The following TRMT6 variants were observed in gnomAD, a reference collection of about 807,000 sequenced individuals.
The protein encoded by TRMT6 is tRNA (adenine(58)-N(1))-methyltransferase non-catalytic subunit TRM6.
A neutral mutation model predicts 59.0 loss-of-function variants in TRMT6; 34 were observed. That is an observed-to-expected ratio of 0.58 (90% confidence interval 0.44 to 0.77). TRMT6 has a LOEUF of 0.77. Ranked by LOEUF, TRMT6 falls within the 30% of genes least tolerant of loss-of-function variation. TRMT6 has a pLI of 0.00. For missense variants in TRMT6, 575 were observed against 604.5 expected (o/e 0.95, Z 0.51); for synonymous variants, 217 against 210.5 (o/e 1.03, Z -0.27).
At chr20:5,939,466 C>T (rs1241093883) in intron 10 of TRMT6, among the ~76,000 whole-genome samples, 1 of 141,380 alleles carries the variant, frequency 7.1e-6, no homozygotes, top group Non-Finnish European at 1.5e-5. Flanking sequence ...GGCGACAGAG[C>T]GAGACTCTGT....
At chr20:5,940,758 C>T (rs1661971399) in intron 10 of TRMT6, among the ~76,000 whole-genome samples, 1 of 152,182 alleles carries the variant, frequency 6.6e-6, no homozygotes, top group Admixed American at 6.5e-5. Flanking sequence ...GCTGGGACTA[C>T]AGGCACCTGC....
In TRMT6 at chr20:5,942,634, T is replaced by C. The variant is rs760219917; in HGVS notation, c.820A>G (p.Met274Val). 7 of 1,614,188 alleles carry C rather than the reference T, an allele frequency of 4.3e-6. No individual in the cohort carries two copies. The highest frequency in any genetic ancestry group is 1.1e-5 in the South Asian group (1 of 91,078). ...SLLHGTFSAKMLSSEPKDSAL... is the reference protein window; with the variant it reads ...SLLHGTFSAKVLSSEPKDSAL... ...CTGTCTTTTGGCTCTGAAGATAACA[T>C]CTTGGCAGAAAATGTTCCATGTAGA... The change falls in exon 7 of 11, where the codon ATG becomes GTG. Residue 274 changes from methionine to valine, a missense_variant. Met to Val is a conservative substitution (Grantham distance 21). Transcript: ENST00000203001.
intron 10 of TRMT6, 43 bp downstream of exon 10, chr20:5,941,010 T>C: frequency 6.8e-7 from 1 of 1,472,148 alleles, no homozygotes; most frequent in African/African-American, 1.4e-5. Context: ...GAAAGTCAAG[T>C]CTCGGGAGGG....
At chr20:5,943,429 G>T in intron 6 of TRMT6, 130 bp downstream of exon 6, 1 of 1,217,274 alleles carries the variant, frequency 8.2e-7, no homozygotes, top group Non-Finnish European at 1.2e-6. Context: ...TAGGAGCCGT[G>T]CAGGTTCACC....
rs1223714385 is a variant in TRMT6, at chr20:5,941,322, T to C, written c.1136A>G (p.His379Arg). The change falls in exon 9 of 11, where the codon CAC becomes CGC. Residue 379 changes from histidine (H) to arginine (R), a missense_variant. Coordinates refer to ENST00000203001, the MANE Select transcript of TRMT6 (RefSeq NM_015939.5). ...CAAAGACAGCAGCAGGGGAGTGGGGTGGAAACGACTAGCTACAATTAAACT... is the reference window on the plus strand; with the variant it reads ...CAAAGACAGCAGCAGGGGAGTGGGGCGGAAACGACTAGCTACAATTAAACT... Reference protein sequence around the residue: ...ADGLIVASRFHPTPLLLSLLD... With the variant: ...ADGLIVASRFRPTPLLLSLLD... 2 of 1,613,796 alleles carry C rather than the reference T, an allele frequency of 1.2e-6. No homozygotes were observed. The highest frequency in any genetic ancestry group is 2.2e-5 in the South Asian group (2 of 91,062).
chr20:5,944,107 TATAAACATATAAG>T, intron 4 of TRMT6, 42 bp downstream of exon 4: 1 of 1,357,816 alleles, frequency 7.4e-7, no homozygotes, highest in Non-Finnish European at 1.0e-6. Flanking sequence ...ATGTATATTT[TATAAACATATAAG>T]AAGTTTAATA....
In TRMT6 at chr20:5,944,234, A is replaced by T. The variant is rs768555102; in HGVS notation, c.386T>A (p.Ile129Asn). Residue 129 changes from isoleucine to asparagine, a missense_variant, in exon 4 of 11, where the codon ATT becomes AAT. By Grantham distance (149) the Ile-to-Asn change is moderately radical. Coordinates refer to ENST00000203001, the MANE Select transcript of TRMT6 (RefSeq NM_015939.5). ...IKGEEIVQQL[I>N]ENSTTFRDKT... ...GTCTCGGAATGTTGTACTATTTTCA[A>T]TTAACTGCTGAACTATTTCCTATAA... 1.9e-6 allele frequency: 3 copies of T among 1,571,148 alleles called. No homozygotes were observed. The highest frequency in any genetic ancestry group is 2.6e-6 in the Non-Finnish European group (3 of 1,158,298).
At position 5,941,284 on chromosome 20, in the gene TRMT6, C is replaced by A; in HGVS notation, c.1174G>T (p.Ala392Ser). ...PLLLSLLDFV[A>S]PSRPFVVYCQ... Reference sequence around the variant, plus strand: ...TAGACCACAAACGGCCTTGAAGGGGCCACAAAGTCCAGCAAAGACAGCAGC... The same window carrying A: ...TAGACCACAAACGGCCTTGAAGGGGACACAAAGTCCAGCAAAGACAGCAGC... The change falls in exon 9 of 11, where the codon GCC becomes TCC. Residue 392 changes from alanine to serine, a missense_variant. Ala to Ser is a moderately conservative substitution (Grantham distance 99). Transcript: ENST00000203001. 1.2e-6 allele frequency: 2 copies of A among 1,614,140 alleles called. No homozygotes were observed. The highest frequency in any genetic ancestry group is 1.7e-5 in the Admixed American group (1 of 60,022).
At chr20:5,944,550 G>T (rs1166054273) in intron 3 of TRMT6, among the ~76,000 whole-genome samples, 2 of 152,178 alleles carry the variant, frequency 1.3e-5, no homozygotes, top group African/African-American at 4.8e-5. Flanking sequence ...TACTGAAAAT[G>T]AACAAAGTTA....
At position 5,938,696 on chromosome 20, in the gene TRMT6, G is replaced by A. The variant is rs764114982; in HGVS notation, c.1333C>T (p.Leu445=). ...VLPDRSHPKL[L]MSGGGGYLLS... is the part of the protein sequence containing the mutation. ...AGATAACCCCCACCTCCACTCATCA[G>A]CAGTTTAGGATGACTTCGATCTGGC... The change falls in exon 11 of 11, where the codon CTG becomes TTG. Residue 445 remains leucine (L), a synonymous_variant. Transcript: ENST00000203001. 1 of 1,614,090 alleles carries A rather than the reference G, an allele frequency of 6.2e-7. No individual in the cohort carries two copies. The highest frequency in any genetic ancestry group is 8.5e-7 in the Non-Finnish European group (1 of 1,180,044).
chr20:5,942,339 C>A, intron 7 of TRMT6, 89 bp downstream of exon 7: 1 of 1,202,332 alleles, frequency 8.3e-7, no homozygotes, highest in South Asian at 1.2e-5. Context: ...GGAGCTAATA[C>A]ACCAAAGCCA....
At chr20:5,941,464 T>A in intron 8 of TRMT6, 119 bp from the exon 9 acceptor site, 1 of 728,330 alleles carries the variant, frequency 1.4e-6, no homozygotes, top group Non-Finnish European at 2.3e-6. Context: ...AGAAGAGATT[T>A]AAATATAACA....
chr20:5,938,568 A>G lies in TRMT6; in HGVS notation c.1461T>C (p.Ala487=). 1 of 1,614,084 alleles carries G rather than the reference A, an allele frequency of 6.2e-7. No individual in the cohort carries two copies. The highest frequency in any genetic ancestry group is 1.1e-5 in the South Asian group (1 of 91,086). The change falls in exon 11 of 11, where the codon GCT becomes GCC. Residue 487 remains alanine (A), a synonymous_variant. Transcript: ENST00000203001. ...LESHETEEPA[A]KKRKCPESDS is the part of the protein sequence containing the mutation. ...CAGACTCTGGGCATTTTCGTTTTTT[A>G]GCTGCAGGCTCCTCAGTCTCGTGTG...
At chr20:5,943,813 GTAAAAGGACTTACAATT>G in intron 5 of TRMT6, 118 bp downstream of exon 5, 1 of 1,519,338 alleles carries the variant, frequency 6.6e-7, no homozygotes, top group African/African-American at 1.4e-5. Flanking sequence ...GGAGGTGACA[GTAAAAGGACTTACAATT>G]TATGAGGTAG....
chr20:5,946,423 CTCT>C lies in TRMT6; in HGVS notation c.236_238del (p.Lys79del), dbSNP rs200648792. On this transcript the variant is annotated inframe_deletion, in exon 2 of 11. Coordinates refer to ENST00000203001, the MANE Select transcript of TRMT6 (RefSeq NM_015939.5). Reference sequence around the variant, plus strand: ...ATGTGCACCTGCAGTAGGCTCTTCCCTCTTCTTCTTGGGCTGTAGACTTCCTCC... The same window carrying C: ...ATGTGCACCTGCAGTAGGCTCTTCCCTCTTCTTGGGCTGTAGACTTCCTCC... 7.1e-3 allele frequency: 11,529 copies of C among 1,614,154 alleles called. 296 individuals are homozygous for C. The Admixed American group carries it at 0.083, about 12-fold the overall frequency.
intron 2 of TRMT6, 52 bp downstream of exon 2, chr20:5,946,354 T>C: frequency 6.2e-7 from 1 of 1,612,000 alleles, no homozygotes. Context: ...GGCTGAGATG[T>C]TTCTGACTAG....
chr20:5,948,024 G>A (rs1333306732), intron 1 of TRMT6, among the ~76,000 whole-genome samples: 1 of 152,220 alleles, frequency 6.6e-6, no homozygotes, highest in African/African-American at 2.4e-5. Context: ...AGGAGGCTGA[G>A]GTGGAAGATT....
rs1344783429 is a variant in TRMT6 at position 5,944,042 on chromosome 20, A to T, written c.459-11T>A. On this transcript the variant is annotated splice_polypyrimidine_tract_variant and intron_variant, in intron 4 of 10. Transcript: ENST00000203001. The stretch of plus-strand genomic sequence containing the variant: ...ATGATGGCTTCATATCTGGGGGAAG[A>T]AAAAACAGAACGCTGATTTAAAAAA... 1 of 1,544,854 alleles carries T rather than the reference A, an allele frequency of 6.5e-7. No individual in the cohort carries two copies. Among genetic ancestry groups the T allele is most frequent in the African/African-American group, 1.5e-5 (1 of 65,224 alleles).
Position 5,950,303 on chromosome 20 carries a change from T to C in TRMT6, c.103A>G (p.Lys35Glu). Residue 35 changes from lysine (K) to glutamate (E), a missense_variant, in exon 1 of 11, where the codon AAA becomes GAA. Physicochemically the swap from Lys to Glu is moderately conservative, Grantham distance 56. Coordinates refer to ENST00000203001, the MANE Select transcript of TRMT6 (RefSeq NM_015939.5). Reference sequence around the variant, plus strand: ...TTTCTCCGCTGGACTTGTACTGCTTTAAACACATCTTCACGTTTCAGCACC... The same window carrying C: ...TTTCTCCGCTGGACTTGTACTGCTTCAAACACATCTTCACGTTTCAGCACC... ...FVVLKREDVF[K>E]AVQVQRRKKV... 6.2e-7 allele frequency: 1 copy of C among 1,613,794 alleles called. No individual in the cohort carries two copies. Among genetic ancestry groups the C allele is most frequent in the Non-Finnish European group, 8.5e-7 (1 of 1,179,898 alleles).
Sources: gnomAD v4.1 joint callset for allele counts (sites outside exome capture counted in the v4.1 genomes callset) on GRCh38, gnomAD v4.1.1 for gene constraint, MANE v1.5 for transcripts, NCBI Gene and HGNC (gene_info 2026-07-23, HGNC 2026-07-21) for gene names.